The following ZNF469 variants were observed in gnomAD, a reference collection of about 807,000 sequenced individuals.
ZNF469 encodes zinc finger protein 469.
Under a neutral mutation model 1.0 loss-of-function variants are expected in ZNF469, and 1 was observed. That is an observed-to-expected ratio of 1.00 (90% confidence interval 0.35 to 4.73). The LOEUF is 4.73. Ranked by LOEUF, ZNF469 falls within the 30% of genes most tolerant of loss-of-function variation. The pLI is 0.16. For synonymous variants in ZNF469, 2,703 were observed against 2,363.4 expected, an observed-to-expected ratio of 1.14 and a Z score of -4.17; for missense variants, 6,100 against 5,356.3, an observed-to-expected ratio of 1.14 and a Z score of -4.33.
At chr16:88,211,184 G>C in the ZNF469 span, among the ~76,000 whole-genome samples, 2 of 152,166 alleles carry the variant, frequency 1.3e-5, no homozygotes, top group Admixed American at 1.3e-4. Flanking sequence ...GGAGGTTTTC[G>C]ACCATTAGCT....
At chr16:88,128,789 A>T in the ZNF469 span, among the ~76,000 whole-genome samples, 901 of 152,344 alleles carry the variant, frequency 5.9e-3, 11 homozygotes, top group African/African-American at 0.021. Context: ...TTCCTGGGAT[A>T]GTCCAGACAG....
the ZNF469 span, among the ~76,000 whole-genome samples, chr16:88,161,843 G>A: frequency 1.3e-5 from 2 of 152,348 alleles, no homozygotes; most frequent in South Asian, 2.1e-4. Flanking sequence ...CAGTGTTACA[G>A]TTTTACTGTG....
intron 1 of ZNF469, among the ~76,000 whole-genome samples, chr16:88,415,024 G>A (rs981404904): frequency 1.3e-5 from 2 of 152,222 alleles, no homozygotes; most frequent in African/African-American, 4.8e-5. Context: ...GAAGGGCACT[G>A]CCTCGGCCTC....
At chr16:88,381,781 A>G (rs1030489504), upstream of ZNF469, among the ~76,000 whole-genome samples, 23 of 152,344 alleles carry the variant, frequency 1.5e-4, no homozygotes, top group Admixed American at 1.4e-3. Flanking sequence ...CAGCACAGAA[A>G]CCCCACTGCC....
chr16:88,358,810 C>T, the ZNF469 span, among the ~76,000 whole-genome samples: 1 of 150,526 alleles, frequency 6.6e-6, no homozygotes, highest in Admixed American at 6.6e-5. Flanking sequence ...ACTCCACCTC[C>T]CAGGTTCAAG....
At chr16:88,374,263 G>C in the ZNF469 span, among the ~76,000 whole-genome samples, 1 of 152,208 alleles carries the variant, frequency 6.6e-6, no homozygotes, top group South Asian at 2.1e-4. Flanking sequence ...AATACAAGGA[G>C]GCAGCATAGA....
chr16:88,206,024 C>T, the ZNF469 span, among the ~76,000 whole-genome samples: 2 of 152,112 alleles, frequency 1.3e-5, no homozygotes, highest in Non-Finnish European at 2.9e-5. Context: ...GGCACAGGGG[C>T]GCCCAGGCCT....
At chr16:88,395,662 A>G (rs1321585059) in intron 1 of ZNF469, among the ~76,000 whole-genome samples, 1 of 152,066 alleles carries the variant, frequency 6.6e-6, no homozygotes, top group Non-Finnish European at 1.5e-5. Context: ...TTCCCACCGG[A>G]GGCTCAGAGG....
In ZNF469 at chr16:88,431,158, A is replaced by T. The variant is rs1454477195; in HGVS notation, c.3688A>T (p.Thr1230Ser). 2.9e-5 allele frequency: 45 copies of T among 1,550,080 alleles called. No homozygotes were observed. Among genetic ancestry groups the T allele is most frequent in the Non-Finnish European group, 3.6e-5 (41 of 1,146,944 alleles). ...TCCCCAGGAGGCCAAGGAGCCTGAA[A>T]CTGCCGAAGAGTCAGCCCCGGACAG... is the stretch of plus-strand genomic sequence containing the variant. ...DFPQEAKEPE[T>S]AEESAPDSTE... is the part of the protein sequence containing the mutation. Residue 1230 changes from threonine (T) to serine (S), a missense_variant, in exon 3 of 3, where the codon ACT becomes TCT. By Grantham distance (58) the Thr-to-Ser change is moderately conservative. Coordinates refer to ENST00000565624, the MANE Select transcript of ZNF469 (RefSeq NM_001367624.2).
intron 1 of ZNF469, among the ~76,000 whole-genome samples, chr16:88,386,841 T>C (rs1904342519): frequency 6.6e-6 from 1 of 151,990 alleles, no homozygotes; most frequent in Non-Finnish European, 1.5e-5. Flanking sequence ...AGGATGGGGC[T>C]CTGTGAAGTA....
chr16:88,385,806 A>G (rs2092535647), intron 1 of ZNF469, among the ~76,000 whole-genome samples: 1 of 152,034 alleles, frequency 6.6e-6, no homozygotes. Flanking sequence ...CTGGGACTTT[A>G]TTTCTCATCA....
chr16:88,239,667 G>GTATATA, the ZNF469 span, among the ~76,000 whole-genome samples: 17 of 28,206 alleles, frequency 6.0e-4, no homozygotes, highest in Non-Finnish European at 8.4e-4. Context: ...TTTTTTTTTT[G>GTATATA]TATATATATA....
At chr16:88,421,701 G>A (rs1239372493) in intron 1 of ZNF469, among the ~76,000 whole-genome samples, 2 of 152,228 alleles carry the variant, frequency 1.3e-5, no homozygotes, top group Non-Finnish European at 2.9e-5. Context: ...ACAGGGTGTG[G>A]AGGCAGTGGG....
chr16:88,199,505 C>T, the ZNF469 span, among the ~76,000 whole-genome samples: 1 of 152,246 alleles, frequency 6.6e-6, no homozygotes, highest in African/African-American at 2.4e-5. Flanking sequence ...TCTGCTCCCA[C>T]CTCCTGTGCC....
At chr16:88,140,948 CAAAA>C in the ZNF469 span, among the ~76,000 whole-genome samples, 13 of 151,956 alleles carry the variant, frequency 8.6e-5, no homozygotes, top group South Asian at 2.1e-4. Context: ...AACAAACAAA[CAAAA>C]AAACAAAAAA....
chr16:88,400,247 G>A (rs576805102), intron 1 of ZNF469, among the ~76,000 whole-genome samples: 35 of 152,338 alleles, frequency 2.3e-4, no homozygotes, highest in Admixed American at 1.5e-3. Flanking sequence ...TAGCTCACAC[G>A]GGACCCTTTC....
the ZNF469 span, among the ~76,000 whole-genome samples, chr16:88,263,201 C>T: frequency 6.6e-6 from 1 of 152,210 alleles, no homozygotes; most frequent in Non-Finnish European, 1.5e-5. Context: ...GACGATACTG[C>T]GTCTCCACGG....
chr16:88,436,300 C>G lies in ZNF469; in HGVS notation c.8830C>G (p.Leu2944Val). 1 of 1,549,908 alleles carries G rather than the reference C, an allele frequency of 6.5e-7. No individual in the cohort carries two copies. Among genetic ancestry groups the G allele is most frequent in the Admixed American group, 2.0e-5 (1 of 51,014 alleles). ...LPESFLLDGF[L>V]NSRVPGIDPW... ...CGAGTCCTTCCTCCTGGATGGGTTC[C>G]TCAATAGCAGGGTGCCTGGCATTGA... The change falls in exon 3 of 3, where the codon CTC becomes GTC. Residue 2944 changes from leucine (L) to valine (V), a missense_variant. Coordinates refer to ENST00000565624, the MANE Select transcript of ZNF469 (RefSeq NM_001367624.2).
chr16:88,365,863 A>G, the ZNF469 span, among the ~76,000 whole-genome samples: 1 of 152,176 alleles, frequency 6.6e-6, no homozygotes, highest in Non-Finnish European at 1.5e-5. Flanking sequence ...CCAGGCTGAG[A>G]CTGCCAAACC....
Sources: gnomAD v4.1 joint callset for allele counts (sites outside exome capture counted in the v4.1 genomes callset) on GRCh38, gnomAD v4.1.1 for gene constraint, MANE v1.5 for transcripts, NCBI Gene and HGNC (gene_info 2026-07-23, HGNC 2026-07-21) for gene names.